The following LYST variants were observed in gnomAD, a reference collection of about 807,000 sequenced individuals.
LYST encodes lysosomal trafficking regulator.
In LYST, 192 loss-of-function variants were observed where a neutral mutation model predicts 413.6. The observed-to-expected ratio is 0.46, with a 90% CI of 0.41 to 0.52. The LOEUF is 0.52. Ranked by LOEUF, LYST falls within the 20% of genes least tolerant of loss-of-function variation. The pLI is 0.00. For missense variants in LYST, 3,815 were observed against 4,499.9 expected (o/e 0.85, Z 4.35); for synonymous variants, 1,525 against 1,567.3 (o/e 0.97, Z 0.64).
chr1:235,785,278 GCATGGGCCT>G (rs1370172183), intron 14 of LYST, among the ~76,000 whole-genome samples: 2 of 152,178 alleles, frequency 1.3e-5, no homozygotes, highest in Admixed American at 1.3e-4. Flanking sequence ...GGGTTTTAAA[GCATGGGCCT>G]CACAGTATTT....
Position 235,833,616 on chromosome 1 carries a change from C to T in LYST, c.-46G>A, listed in dbSNP as rs963133027. 1 of 944,394 alleles carries T rather than the reference C, an allele frequency of 1.1e-6. No individual in the cohort carries two copies. The highest frequency in any genetic ancestry group is 1.8e-5 in the African/African-American group (1 of 56,416). 58.5% of individuals were successfully genotyped at this position (944,394 alleles called of 1,614,324 possible). Reference sequence around the variant, plus strand: ...CTGCTGTGACATTTACAGTCTATATCATTTGGACTCATAAACTAGATGAAA... The same window carrying T: ...CTGCTGTGACATTTACAGTCTATATTATTTGGACTCATAAACTAGATGAAA... On this transcript the variant is annotated 5_prime_UTR_variant, in exon 2 of 53. The change abolishes an upstream ATG in the 5' untranslated region. Transcript: ENST00000389793.
rs116686392 is a variant in LYST, at chr1:235,796,315, A to C, written c.4007-2703T>G. ...AAACATGCTTCAAAGTAAACCATCA[A>C]GAAAGTTAAGAAACAGCATAAAGAA... is the stretch of plus-strand genomic sequence containing the variant. On this transcript the variant is annotated intron_variant, in intron 10 of 52. Transcript: ENST00000389793. 2.9e-3 allele frequency among the ~76,000 whole-genome samples: 437 copies of C among 152,336 alleles called. 2 individuals carry two copies. Among genetic ancestry groups the C allele is most frequent in the African/African-American group, 9.8e-3 (407 of 41,586 alleles).
At chr1:235,696,974 G>C in intron 46 of LYST, 109 bp downstream of exon 46, 1 of 1,034,182 alleles carries the variant, frequency 9.7e-7, no homozygotes, top group Non-Finnish European at 1.5e-6. Context: ...CCACAAATTT[G>C]AGCTGAGTTT....
chr1:235,867,150 G>A (rs1262467391), upstream of LYST, among the ~76,000 whole-genome samples: 6 of 152,216 alleles, frequency 3.9e-5, no homozygotes, highest in African/African-American at 1.4e-4. Flanking sequence ...CCGCGGGGCT[G>A]CAGCCGGGGC....
chr1:235,773,274 C>T (rs1451340285), intron 19 of LYST, among the ~76,000 whole-genome samples: 6 of 151,624 alleles, frequency 4.0e-5, no homozygotes, highest in African/African-American at 9.7e-5. Flanking sequence ...GCCAAGATCA[C>T]GCCACTGCAC....
At chr1:235,701,428 G>C (rs1661540410) in intron 45 of LYST, among the ~76,000 whole-genome samples, 1 of 152,094 alleles carries the variant, frequency 6.6e-6, no homozygotes, top group Non-Finnish European at 1.5e-5. Context: ...AGGAGTTCGA[G>C]ACCAGCCCGG....
chr1:235,776,215 GA>G (rs912857820), intron 17 of LYST, among the ~76,000 whole-genome samples: 1 of 152,070 alleles, frequency 6.6e-6, no homozygotes, highest in Non-Finnish European at 1.5e-5. Flanking sequence ...TATGAAAAAG[GA>G]AGAGGTGGAG....
intron 27 of LYST, 23 bp downstream of exon 27, chr1:235,751,982 A>G: frequency 6.4e-7 from 1 of 1,572,788 alleles, no homozygotes. Context: ...TCCCTCCCCA[A>G]ATTCATAAAA....
At chr1:235,741,704 A>G (rs896542966) in intron 30 of LYST, 76 bp from the exon 31 acceptor site, 44 of 1,056,094 alleles carry the variant, frequency 4.2e-5, no homozygotes, top group African/African-American at 6.3e-5. Flanking sequence ...ACACAGCCCT[A>G]AAGAAGATTA....
intron 48 of LYST, among the ~76,000 whole-genome samples, chr1:235,681,426 C>T (rs1028643535): frequency 5.9e-5 from 9 of 152,052 alleles, no homozygotes; most frequent in African/African-American, 1.9e-4. Flanking sequence ...ATTTTATCCC[C>T]GAAGCAATAA....
At chr1:235,804,071 T>C (rs1672543243) in intron 7 of LYST, among the ~76,000 whole-genome samples, 1 of 152,174 alleles carries the variant, frequency 6.6e-6, no homozygotes. Context: ...TAGTCATTTT[T>C]ATGTTGAATG....
chr1:235,693,461 GT>G lies in LYST; in HGVS notation c.10589del (p.Asp3530AlafsTer8). ...EQGVRSMNST[D>X]IQWSAILSWG... ...AGCTCAGGATGGCTGACCACTGAAT[GT>G]CCGTACTGTTCATGCTTCTCACACC... On this transcript the variant is annotated frameshift_variant, in exon 47 of 53. Coordinates refer to ENST00000389793, the MANE Select transcript of LYST (RefSeq NM_000081.4). LOFTEE classifies it high-confidence loss of function. 6.2e-7 allele frequency: 1 copy of G among 1,613,714 alleles called. No individual in the cohort carries two copies. The highest frequency in any genetic ancestry group is 8.5e-7 in the Non-Finnish European group (1 of 1,179,644).
chr1:235,791,091 C>T (rs1490235246), intron 12 of LYST, among the ~76,000 whole-genome samples: 2 of 152,144 alleles, frequency 1.3e-5, no homozygotes, highest in African/African-American at 4.8e-5. Context: ...TGAGACCAGC[C>T]TGGCCAACAT....
In LYST at chr1:235,793,558, C is replaced by T. The variant is rs1265411522; in HGVS notation, c.4061G>A (p.Cys1354Tyr). Residue 1354 changes from cysteine (C) to tyrosine (Y), a missense_variant, in exon 11 of 53, where the codon TGT becomes TAT. Cys to Tyr is a radical substitution (Grantham distance 194, BLOSUM62 -2). Coordinates refer to ENST00000389793, the MANE Select transcript of LYST (RefSeq NM_000081.4). The stretch of plus-strand genomic sequence containing the variant: ...CAAAAGAAGGGTTAGCTCTTCTGAA[C>T]ATGTTCTTGAACTCATCAAAGATAC... Reference protein sequence around the residue: ...LLVSLMSSRTCSEELTLLLRI... With the variant: ...LLVSLMSSRTYSEELTLLLRI... 2 of 1,603,638 alleles carry T rather than the reference C, an allele frequency of 1.2e-6. No individual in the cohort carries two copies. Among genetic ancestry groups the T allele is most frequent in the African/African-American group, 1.3e-5 (1 of 74,788 alleles).
At chr1:235,878,575 C>T (rs1283768174) in intron 1 of LYST, among the ~76,000 whole-genome samples, 1 of 152,142 alleles carries the variant, frequency 6.6e-6, no homozygotes. Context: ...TTTGAGGTCA[C>T]CAAATCACAG....
chr1:235,774,928 C>T lies in LYST; in HGVS notation c.5619G>A (p.Gly1873=), dbSNP rs765757966. ...GAAGACATACCTTCAAAATGTAAAA[C>T]CCAACAATGCATTTTTGTTTGATCA... is the stretch of plus-strand genomic sequence containing the variant. ...QVLIKQKCIV[G]FYILKTLLEG... is the part of the protein sequence containing the mutation. The change falls in exon 18 of 53, where the codon GGG becomes GGA. Residue 1873 remains glycine (G), a synonymous_variant. Transcript: ENST00000389793. The T allele has an allele frequency of 6.8e-6, 11 of 1,608,508 alleles. No homozygotes were observed. Among genetic ancestry groups the T allele is most frequent in the Non-Finnish European group, 9.3e-6 (11 of 1,177,296 alleles).
At position 235,809,388 on chromosome 1, in the gene LYST, A is replaced by G; in HGVS notation, c.1430T>C (p.Met477Thr). The change falls in exon 5 of 53, where the codon ATG becomes ACG. Residue 477 changes from methionine (M) to threonine (T), a missense_variant. By Grantham distance (81) the Met-to-Thr change is moderately conservative (BLOSUM62 -1). Around this residue, in one of 4 missense-constraint regions of LYST, gnomAD observed 1,648 missense variants for 1,810.3 expected, o/e 0.91. Transcript: ENST00000389793. This position sits in a 1 kb window ranked among gnomAD's most constrained non-coding sequence, Gnocchi z 4.0. Reference sequence around the variant, plus strand: ...TTTTTTGACAGTGCTCATTATTTTCATCACACTATTTATTAGGGCTTTCAA... The same window carrying G: ...TTTTTTGACAGTGCTCATTATTTTCGTCACACTATTTATTAGGGCTTTCAA... Reference protein sequence around the residue: ...EHLKALINSVMKIMSTVKKVK... With the variant: ...EHLKALINSVTKIMSTVKKVK... 6.2e-7 allele frequency: 1 copy of G among 1,613,954 alleles called. No individual in the cohort carries two copies. Among genetic ancestry groups the G allele is most frequent in the Non-Finnish European group, 8.5e-7 (1 of 1,179,970 alleles).
intron 31 of LYST, chr1:235,734,897 A>T (rs1409958840): frequency 2.2e-5 from 7 of 315,334 alleles, no homozygotes; most frequent in Middle Eastern, 9.4e-4. Flanking sequence ...ATAGGAAAAC[A>T]TTTAAAAAAA....
intron 3 of LYST, among the ~76,000 whole-genome samples, chr1:235,823,217 C>T (rs1349082620): frequency 6.6e-6 from 1 of 151,784 alleles, no homozygotes; most frequent in African/African-American, 2.4e-5. Flanking sequence ...GCACCACTGT[C>T]GAGTGGTTAA....
Sources: gnomAD v4.1 joint callset for allele counts (sites outside exome capture counted in the v4.1 genomes callset) on GRCh38, gnomAD v4.1.1 for gene constraint, gnomAD v4.1.1 regional missense constraint, Gnocchi (gnomAD v3.1) non-coding constraint, MANE v1.5 for transcripts, NCBI Gene and HGNC (gene_info 2026-07-23, HGNC 2026-07-21) for gene names.